Variants in DCDC1 observed in about 807,000 individuals in gnomAD.
The protein encoded by DCDC1 is doublecortin domain containing 1.
In DCDC1, 200 loss-of-function variants were observed where a neutral mutation model predicts 178.3. The ratio of observed to expected loss-of-function variants is 1.12; its 90% confidence interval spans 1.00 to 1.26. DCDC1 has a LOEUF of 1.26. DCDC1 is among the 50% of genes most tolerant of loss of function. The pLI is 0.00. For synonymous variants in DCDC1, 690 were observed against 604.8 expected (o/e 1.14, Z -2.07); for missense variants, 1,983 against 1,749.2 (o/e 1.13, Z -2.38).
At chr11:31,110,218 G>C in intron 12 of DCDC1, 42 bp downstream of exon 12, 1 of 670,600 alleles carries the variant, frequency 1.5e-6, no homozygotes, top group Non-Finnish European at 2.7e-6. Flanking sequence ...CAAGTAACTT[G>C]CAAGACACTT....
At chr11:30,894,526 C>T (rs776577663) in intron 34 of DCDC1, 142 bp from the exon 35 acceptor site, 578 of 1,192,904 alleles carry the variant, frequency 4.8e-4, no homozygotes, top group Non-Finnish European at 6.1e-4. Context: ...AGCAAAGATG[C>T]CTAAGGTAAT....
intron 34 of DCDC1, among the ~76,000 whole-genome samples, chr11:30,898,426 T>G (rs1286770509): frequency 6.6e-6 from 1 of 152,140 alleles, no homozygotes; most frequent in Non-Finnish European, 1.5e-5. Context: ...TAGAATCATT[T>G]GAGATCAACT....
intron 20 of DCDC1, among the ~76,000 whole-genome samples, chr11:31,043,929 A>G (rs1007208997): frequency 1.3e-5 from 2 of 152,026 alleles, no homozygotes; most frequent in African/African-American, 4.8e-5. Context: ...TCAAGAAATA[A>G]TCTAAACCAG....
At chr11:31,023,463 A>C (rs1212504995) in intron 20 of DCDC1, among the ~76,000 whole-genome samples, 2 of 152,050 alleles carry the variant, frequency 1.3e-5, no homozygotes, top group African/African-American at 4.8e-5. Flanking sequence ...GAAGACACTT[A>C]GTAAGTGTAA....
intron 11 of DCDC1, among the ~76,000 whole-genome samples, chr11:31,126,252 C>T (rs1961600397): frequency 6.6e-6 from 1 of 152,142 alleles, no homozygotes; most frequent in Non-Finnish European, 1.5e-5. Context: ...CTCTCTTAAT[C>T]AATAGCAAGT....
intron 9 of DCDC1, among the ~76,000 whole-genome samples, chr11:31,225,802 G>A (rs906916740): frequency 1.3e-5 from 2 of 150,928 alleles, no homozygotes; most frequent in South Asian, 2.1e-4. Flanking sequence ...TGATCGAGTT[G>A]GATTTGGCTT....
intron 11 of DCDC1, among the ~76,000 whole-genome samples, chr11:31,119,590 G>C (rs780804766): frequency 2.0e-5 from 3 of 152,122 alleles, no homozygotes; most frequent in Admixed American, 6.6e-5. Flanking sequence ...ATGTGCAACT[G>C]ACCTTAGTTA....
intron 9 of DCDC1, among the ~76,000 whole-genome samples, chr11:31,171,172 T>C (rs1031563900): frequency 6.6e-6 from 1 of 152,106 alleles, no homozygotes; most frequent in Non-Finnish European, 1.5e-5. Flanking sequence ...AGAATCCTTA[T>C]AGTACCAATC....
intron 9 of DCDC1, among the ~76,000 whole-genome samples, chr11:31,192,158 G>A (rs1433185633): frequency 6.6e-6 from 1 of 151,920 alleles, no homozygotes; most frequent in Non-Finnish European, 1.5e-5. Flanking sequence ...TCACCGTTAG[G>A]ACCTCACCAG....
chr11:31,138,144 A>T (rs1445764085), intron 9 of DCDC1, among the ~76,000 whole-genome samples: 3 of 152,216 alleles, frequency 2.0e-5, no homozygotes, highest in South Asian at 2.1e-4. Context: ...TTCATTATGC[A>T]TAGGGAGTAA....
intron 20 of DCDC1, among the ~76,000 whole-genome samples, chr11:31,052,961 C>G (rs1158271208): frequency 1.3e-5 from 2 of 151,868 alleles, no homozygotes; most frequent in Non-Finnish European, 2.9e-5. Context: ...CCAAACCCCA[C>G]AGAAGAAAGG....
intron 20 of DCDC1, among the ~76,000 whole-genome samples, chr11:31,018,636 G>C (rs573536488): frequency 5.9e-5 from 9 of 152,286 alleles, no homozygotes; most frequent in African/African-American, 2.2e-4. Context: ...TGAGAAAAAG[G>C]CTTGCAAAAG....
chr11:31,322,541 G>A (rs761541932), intron 3 of DCDC1, among the ~76,000 whole-genome samples: 3 of 152,088 alleles, frequency 2.0e-5, no homozygotes, highest in Admixed American at 6.6e-5. Context: ...TTTGGCCAAT[G>A]AGACATAAAA....
At chr11:31,025,803 TG>T (rs1462236581) in intron 20 of DCDC1, among the ~76,000 whole-genome samples, 4 of 151,776 alleles carry the variant, frequency 2.6e-5, no homozygotes, top group African/African-American at 9.7e-5. Flanking sequence ...ACAATAAATA[TG>T]GCAAATAAGC....
At chr11:31,096,485 G>C (rs747192987) in intron 15 of DCDC1, among the ~76,000 whole-genome samples, 10 of 152,148 alleles carry the variant, frequency 6.6e-5, no homozygotes, top group African/African-American at 2.4e-4. Context: ...TGCTGCCAGC[G>C]CCTATATTCT....
chr11:31,306,191 GA>G (rs751011485), intron 5 of DCDC1, 40 bp downstream of exon 5: 44 of 1,419,430 alleles, frequency 3.1e-5, no homozygotes, highest in East Asian at 1.0e-4. Context: ...GAGAGTAAGG[GA>G]AAAAAAATAA....
At chr11:31,041,731 G>A (rs568733991) in intron 20 of DCDC1, among the ~76,000 whole-genome samples, 3 of 152,238 alleles carry the variant, frequency 2.0e-5, no homozygotes, top group East Asian at 3.9e-4. Context: ...AAACACAAGA[G>A]AAAAAGAGAT....
At chr11:31,135,893 A>T (rs1161912576) in intron 10 of DCDC1, among the ~76,000 whole-genome samples, 1 of 152,146 alleles carries the variant, frequency 6.6e-6, no homozygotes, top group Non-Finnish European at 1.5e-5. Context: ...ACAAGGTAAG[A>T]TTTAAAACTA....
chr11:31,361,003 GA>G (rs1951682495), intron 1 of DCDC1, among the ~76,000 whole-genome samples: 1 of 152,162 alleles, frequency 6.6e-6, no homozygotes, highest in African/African-American at 2.4e-5. Context: ...GCTGGAGACT[GA>G]ATCCCTTTTA....
Sources: allele counts gnomAD v4.1 joint callset (sites outside exome capture counted in the v4.1 genomes callset), GRCh38; gene constraint gnomAD v4.1.1; transcripts MANE v1.5; gene names NCBI Gene and HGNC (gene_info 2026-07-23, HGNC 2026-07-21).